The following COL7A1 variants were observed in gnomAD, a reference collection of about 807,000 sequenced individuals.
The protein encoded by COL7A1 is collagen alpha-1(VII) chain.
Under a neutral mutation model 456.2 loss-of-function variants are expected in COL7A1, and 296 were observed. The observed-to-expected ratio is 0.65, with a 90% CI of 0.59 to 0.71. COL7A1 has a LOEUF of 0.71. COL7A1 is among the 30% of genes least tolerant of loss of function. The pLI is 0.00. For synonymous variants in COL7A1, 1,464 were observed against 1,525.9 expected, an observed-to-expected ratio of 0.96 and a Z score of 0.95; for missense variants, 3,441 against 4,017.2, an observed-to-expected ratio of 0.86 and a Z score of 3.88.
At position 48,592,194 on chromosome 3, in the gene COL7A1, C is replaced by T. The variant is rs201433267; in HGVS notation, c.1148G>A (p.Arg383His). Residue 383 changes from arginine (R) to histidine (H), a missense_variant, in exon 10 of 119, where the codon CGT becomes CAT. By Grantham distance (29) the Arg-to-His change is conservative (BLOSUM62 0). Coordinates refer to ENST00000681320, the MANE Select transcript of COL7A1 (RefSeq NM_000094.4). The surrounding 1 kb of genome is among the most constrained non-coding windows in gnomAD (Gnocchi z 7.6). Reference sequence around the variant, plus strand: ...ATAGTCCGTGCCAGGCTCCAAGTCACGCAGCAACACTGAACCCTGCCCAGG... The same window carrying T: ...ATAGTCCGTGCCAGGCTCCAAGTCATGCAGCAACACTGAACCCTGCCCAGG... ...LGPGQGSVLL[R>H]DLEPGTDYEV... 1.5e-5 allele frequency: 25 copies of T among 1,614,144 alleles called. No individual in the cohort carries two copies. Among genetic ancestry groups the T allele is most frequent in the African/African-American group, 4.0e-5 (3 of 75,064 alleles).
intron 67 of COL7A1, 23 bp from the exon 68 acceptor site, chr3:48,576,794 C>T: frequency 6.2e-7 from 1 of 1,613,848 alleles, no homozygotes; most frequent in Non-Finnish European, 8.5e-7. Flanking sequence ...CAGCCAGCAT[C>T]AGCACCCTGA....
In COL7A1 at chr3:48,571,523, G is replaced by A; in HGVS notation, c.7069-245C>T. The A allele has an allele frequency of 1.4e-6, 1 of 707,632 alleles. No homozygotes were observed. The highest frequency in any genetic ancestry group is 2.6e-6 in the Non-Finnish European group (1 of 380,358). The allele number at this position is 707,632 out of a possible 1,614,324, so 43.8% of individuals were successfully genotyped here. On this transcript the variant is annotated intron_variant, in intron 92 of 118. Transcript: ENST00000681320. The surrounding 1 kb of genome is among the most constrained non-coding windows in gnomAD (Gnocchi z 4.6). ...GGAGTTCAGGCATGGCACAGGCACA[G>A]GGAGCCCACACGCGAGTGCAGACAT...
At position 48,564,687 on chromosome 3, in the gene COL7A1, C is replaced by A; in HGVS notation, c.8818+96G>T. ...CTGCGAGGGAGCGTCTCCTCCAGGA[C>A]CCTGACCTGGAACCCTGGCCCAAGG... On this transcript the variant is annotated intron_variant, in intron 118 of 118. Coordinates refer to ENST00000681320, the MANE Select transcript of COL7A1 (RefSeq NM_000094.4). The surrounding 1 kb of genome is among the most constrained non-coding windows in gnomAD (Gnocchi z 6.0). 7.1e-7 allele frequency: 1 copy of A among 1,403,180 alleles called. No individual in the cohort carries two copies. Among genetic ancestry groups the A allele is most frequent in the Non-Finnish European group, 9.7e-7 (1 of 1,028,088 alleles). 86.9% of individuals were successfully genotyped at this position (1,403,180 alleles called of 1,614,324 possible).
In COL7A1 at chr3:48,586,227, C is replaced by T; in HGVS notation, c.3570G>A (p.Leu1190=). 1 of 1,613,692 alleles carries T rather than the reference C, an allele frequency of 6.2e-7. No homozygotes were observed. Among genetic ancestry groups the T allele is most frequent in the Non-Finnish European group, 8.5e-7 (1 of 1,180,038 alleles). The change falls in exon 28 of 119, where the codon TTG becomes TTA. Residue 1190 remains leucine, a synonymous_variant. Coordinates refer to ENST00000681320, the MANE Select transcript of COL7A1 (RefSeq NM_000094.4). The surrounding 1 kb of genome is among the most constrained non-coding windows in gnomAD (Gnocchi z 5.1). ...AQASGLNVVM[L]GMAGADPEQL... is the part of the protein sequence containing the mutation. ...GCTCTGGGTCCGCTCCAGCCATTCC[C>T]AACATCACCACATTAAGCCCTAAGG...
In COL7A1 at chr3:48,576,632, G is replaced by A. The variant is rs1228589429; in HGVS notation, c.5700+44C>T. The A allele has an allele frequency of 1.9e-6, 3 of 1,591,194 alleles. No individual in the cohort carries two copies. In the South Asian group the frequency reaches 3.4e-5, roughly 18 times the overall value. Reference sequence around the variant, plus strand: ...GGAGGGTTGCCCATTGAAACATCATGGCTTCTAATGCTCTGAAGTCCCAGA... The same window carrying A: ...GGAGGGTTGCCCATTGAAACATCATAGCTTCTAATGCTCTGAAGTCCCAGA... On this transcript the variant is annotated intron_variant, in intron 68 of 118. Transcript: ENST00000681320.
At position 48,573,168 on chromosome 3, in the gene COL7A1, A is replaced by C. The variant is rs763118683; in HGVS notation, c.6714+6T>G. ...GTCCCTACAGGGGCCACAGGGACTC[A>C]CTCACCACAAGGCCTGAAGGGCCGG... On this transcript the variant is annotated splice_donor_region_variant and intron_variant, in intron 85 of 118. Coordinates refer to ENST00000681320, the MANE Select transcript of COL7A1 (RefSeq NM_000094.4). The surrounding 1 kb of genome is among the most constrained non-coding windows in gnomAD (Gnocchi z 5.5). 6.2e-7 allele frequency: 1 copy of C among 1,613,992 alleles called. No individual in the cohort carries two copies. The highest frequency in any genetic ancestry group is 1.1e-5 in the South Asian group (1 of 91,086).
rs949443709 is a variant in COL7A1, at chr3:48,586,134, G to A, written c.3663C>T (p.Ser1221=). 8.1e-6 allele frequency: 13 copies of A among 1,613,482 alleles called. No homozygotes were observed. The highest frequency in any genetic ancestry group is 1.1e-5 in the Non-Finnish European group (13 of 1,180,032). The stretch of plus-strand genomic sequence containing the variant: ...CCAGACCACTGACTGCCTGGTCCAG[G>A]CTTGGCCCATCATCCACGGCGAAGA... ...QTFFAVDDGP[S]LDQAVSGLAT... The change falls in exon 28 of 119, where the codon AGC becomes AGT. Residue 1221 remains serine, a synonymous_variant. Coordinates refer to ENST00000681320, the MANE Select transcript of COL7A1 (RefSeq NM_000094.4). The surrounding 1 kb of genome is among the most constrained non-coding windows in gnomAD (Gnocchi z 5.1).
chr3:48,587,703 G>C lies in COL7A1; in HGVS notation c.2857+90C>G. The C allele has an allele frequency of 1.2e-6, 2 of 1,604,634 alleles. No individual in the cohort carries two copies. Among genetic ancestry groups the C allele is most frequent in the Non-Finnish European group, 1.7e-6 (2 of 1,172,342 alleles). On this transcript the variant is annotated intron_variant, in intron 22 of 118. Transcript: ENST00000681320. The surrounding 1 kb of genome is among the most constrained non-coding windows in gnomAD (Gnocchi z 6.1). Reference sequence around the variant, plus strand: ...CCAGGGTCAGAGGGTGAGGGGTAGGGGTACAGGAGGAGTCACTCAGAGTCG... The same window carrying C: ...CCAGGGTCAGAGGGTGAGGGGTAGGCGTACAGGAGGAGTCACTCAGAGTCG...
chr3:48,572,987 C>T lies in COL7A1; in HGVS notation c.6750+34G>A. The T allele has an allele frequency of 1.2e-6, 2 of 1,614,046 alleles. No homozygotes were observed. The highest frequency in any genetic ancestry group is 8.5e-7 in the Non-Finnish European group (1 of 1,180,018). On this transcript the variant is annotated intron_variant, in intron 86 of 118. Transcript: ENST00000681320. The surrounding 1 kb of genome is among the most constrained non-coding windows in gnomAD (Gnocchi z 4.6). Reference sequence around the variant, plus strand: ...TCAGGGCTGCCTGTCGACCCTTGACCCCTGGAGCCCAACCCTTGACCCCCA... The same window carrying T: ...TCAGGGCTGCCTGTCGACCCTTGACTCCTGGAGCCCAACCCTTGACCCCCA...
At position 48,565,206 on chromosome 3, in the gene COL7A1, A is replaced by C; in HGVS notation, c.8528-5T>G. Reference sequence around the variant, plus strand: ...CATCCTCAGGGGGTACCCGCTCTGCAGGTAGGGCAGGGTGTGCTGGGAGCA... The same window carrying C: ...CATCCTCAGGGGGTACCCGCTCTGCCGGTAGGGCAGGGTGTGCTGGGAGCA... On this transcript the variant is annotated splice_polypyrimidine_tract_variant and splice_region_variant and intron_variant, in intron 116 of 118. Coordinates refer to ENST00000681320, the MANE Select transcript of COL7A1 (RefSeq NM_000094.4). The surrounding 1 kb of genome is among the most constrained non-coding windows in gnomAD (Gnocchi z 4.5). The C allele has an allele frequency of 6.2e-7, 1 of 1,611,920 alleles. No individual in the cohort carries two copies.
chr3:48,574,260 A>T lies in COL7A1; in HGVS notation c.6501+2T>A. On this transcript the variant is annotated splice_donor_variant, in intron 80 of 118. Transcript: ENST00000681320. LOFTEE classifies it high-confidence loss of function. The surrounding 1 kb of genome is among the most constrained non-coding windows in gnomAD (Gnocchi z 5.0). ...GGGCCAGGTGCTTCAGCCACCACTCACCGGCTTCCCTTCAGGCCCAGCCAT... is the reference window on the plus strand; with the variant it reads ...GGGCCAGGTGCTTCAGCCACCACTCTCCGGCTTCCCTTCAGGCCCAGCCAT... The T allele has an allele frequency of 6.2e-7, 1 of 1,613,770 alleles. No homozygotes were observed. The highest frequency in any genetic ancestry group is 8.5e-7 in the Non-Finnish European group (1 of 1,179,934).
At position 48,575,593 on chromosome 3, in the gene COL7A1, C is replaced by G; in HGVS notation, c.5979+33G>C. 6.2e-7 allele frequency: 1 copy of G among 1,612,614 alleles called. No homozygotes were observed. Among genetic ancestry groups the G allele is most frequent in the Non-Finnish European group, 8.5e-7 (1 of 1,180,004 alleles). Reference sequence around the variant, plus strand: ...GGCTGTACAGCTACACCCCACTCCACGGGGCACAACCCACTGAGCCACTTC... The same window carrying G: ...GGCTGTACAGCTACACCCCACTCCAGGGGGCACAACCCACTGAGCCACTTC... On this transcript the variant is annotated intron_variant, in intron 73 of 118. Transcript: ENST00000681320. The surrounding 1 kb of genome is among the most constrained non-coding windows in gnomAD (Gnocchi z 6.3).
In COL7A1 at chr3:48,591,345, G is replaced by C. The variant is rs565759386; in HGVS notation, c.1636+119C>G. 2.2e-6 allele frequency: 3 copies of C among 1,379,736 alleles called. No individual in the cohort carries two copies. Among genetic ancestry groups the C allele is most frequent in the East Asian group, 4.7e-5 (2 of 42,534 alleles). The allele number at this position is 1,379,736 out of a possible 1,614,324, so 85.5% of individuals were successfully genotyped here. A position where few individuals can be genotyped will look rare whatever the true frequency, so the allele number is the denominator to read the frequency against. ...CCATCTTGGGAAGCAGATGGATAAC[G>C]AGACAGGGAGGAGACTATAGGGACC... On this transcript the variant is annotated intron_variant, in intron 13 of 118. Transcript: ENST00000681320. This position sits in a 1 kb window ranked among gnomAD's most constrained non-coding sequence, Gnocchi z 7.0.
At position 48,568,528 on chromosome 3, in the gene COL7A1, G is replaced by A; in HGVS notation, c.7765C>T (p.Pro2589Ser). Reference sequence around the variant, plus strand: ...TCACCAGGGATCCCTGCTGCACCAGGTTGACCCTGTGAGAAACACAGATGG... The same window carrying A: ...TCACCAGGGATCCCTGCTGCACCAGATTGACCCTGTGAGAAACACAGATGG... ...LRGLLGPQGQ[P>S]GAAGIPGDPG... Residue 2589 changes from proline to serine, a missense_variant, in exon 105 of 119, where the codon CCT becomes TCT. Coordinates refer to ENST00000681320, the MANE Select transcript of COL7A1 (RefSeq NM_000094.4). The surrounding 1 kb of genome is among the most constrained non-coding windows in gnomAD (Gnocchi z 5.2). 6.2e-7 allele frequency: 1 copy of A among 1,607,908 alleles called. No homozygotes were observed. The highest frequency in any genetic ancestry group is 8.5e-7 in the Non-Finnish European group (1 of 1,175,574).
rs1346272373 is a variant in COL7A1 at position 48,595,132 on chromosome 3, G to A, written c.28C>T (p.Leu10Phe). MTLRLLVAALCAGILAEAPR... is the reference protein window; with the variant it reads MTLRLLVAAFCAGILAEAPR... ...GCCTCTGCCAGGATCCCGGCGCAGA[G>A]CGCGGCCACCAGAAGCCGCAGCGTC... Residue 10 changes from leucine to phenylalanine, a missense_variant, in exon 2 of 119, where the codon CTC becomes TTC. Coordinates refer to ENST00000681320, the MANE Select transcript of COL7A1 (RefSeq NM_000094.4). 1.3e-6 allele frequency: 2 copies of A among 1,553,952 alleles called. No homozygotes were observed. The highest frequency in any genetic ancestry group is 3.9e-5 in the Admixed American group (2 of 51,692).
chr3:48,581,995 T>C lies in COL7A1; in HGVS notation c.4636-52A>G, dbSNP rs77629641. 1.7e-3 allele frequency: 2,788 copies of C among 1,612,042 alleles called. 41 individuals carry two copies. The African/African-American group carries it at 0.032, about 19-fold the overall frequency. ...TTGGCCCTGCCTTGGGGTTGTATGA[T>C]CAAAGTCTTCATTGGAATGGAGGTC... On this transcript the variant is annotated intron_variant, in intron 47 of 118. Coordinates refer to ENST00000681320, the MANE Select transcript of COL7A1 (RefSeq NM_000094.4). This position sits in a 1 kb window ranked among gnomAD's most constrained non-coding sequence, Gnocchi z 5.8.
Position 48,580,058 on chromosome 3 carries a change from C to A in COL7A1, c.5098-1G>T. On this transcript the variant is annotated splice_acceptor_variant, in intron 56 of 118. Transcript: ENST00000681320. LOFTEE classifies it high-confidence loss of function. The surrounding 1 kb of genome is among the most constrained non-coding windows in gnomAD (Gnocchi z 4.5). ...GCCGTCCCGGGGGTCCTGGGGGACC[C>A]TGGGAAAGGAAATGATTATAGTCAA... The A allele has an allele frequency of 6.2e-7, 1 of 1,613,934 alleles. No homozygotes were observed. The highest frequency in any genetic ancestry group is 1.1e-5 in the South Asian group (1 of 91,078).
rs563343719 is a variant in COL7A1, at chr3:48,591,265, T to C, written c.1636+199A>G. ...GATGGGGTGTGGGGCAGGGAGGAGATTGGTTGGGGTAGGGTAGGGGCAGAC... is the reference window on the plus strand; with the variant it reads ...GATGGGGTGTGGGGCAGGGAGGAGACTGGTTGGGGTAGGGTAGGGGCAGAC... On this transcript the variant is annotated intron_variant, in intron 13 of 118. Coordinates refer to ENST00000681320, the MANE Select transcript of COL7A1 (RefSeq NM_000094.4). The surrounding 1 kb of genome is among the most constrained non-coding windows in gnomAD (Gnocchi z 7.0). 6.6e-6 allele frequency among the ~76,000 whole-genome samples: 1 copy of C among 151,222 alleles called. No homozygotes were observed. Among genetic ancestry groups the C allele is most frequent in the African/African-American group, 2.4e-5 (1 of 41,184 alleles).
Position 48,586,822 on chromosome 3 carries a change from T to G in COL7A1, c.3277-133A>C. On this transcript the variant is annotated intron_variant, in intron 25 of 118. Coordinates refer to ENST00000681320, the MANE Select transcript of COL7A1 (RefSeq NM_000094.4). This position sits in a 1 kb window ranked among gnomAD's most constrained non-coding sequence, Gnocchi z 5.1. ...TAGGGAGTCAGCAGTGATGGCAGGA[T>G]AGGGAGCCAGGCAGTAGGTGAGGTC... is the stretch of plus-strand genomic sequence containing the variant. The G allele has an allele frequency of 6.7e-7, 1 of 1,503,394 alleles. No homozygotes were observed. The highest frequency in any genetic ancestry group is 9.0e-7 in the Non-Finnish European group (1 of 1,108,520). 93.1% of individuals were successfully genotyped at this position (1,503,394 alleles called of 1,614,324 possible).
Sources: allele counts gnomAD v4.1 joint callset (sites outside exome capture counted in the v4.1 genomes callset), GRCh38; gene constraint gnomAD v4.1.1; non-coding constraint Gnocchi (gnomAD v3.1); transcripts MANE v1.5; gene names NCBI Gene and HGNC (gene_info 2026-07-23, HGNC 2026-07-21).